The following DOCK1 variants were observed in gnomAD, a reference collection of about 807,000 sequenced individuals.
DOCK1 encodes the protein dedicator of cytokinesis 1, also known as dedicator of cytokinesis protein 1.
DOCK1 carries 138 observed loss-of-function variants against 262.7 expected under a neutral mutation model. The observed-to-expected ratio is 0.53, with a 90% CI of 0.46 to 0.61. The LOEUF (loss-of-function observed/expected upper bound fraction) is 0.61. Among genes scored for constraint, DOCK1 ranks in the 20% least tolerant of loss-of-function variants. The pLI is 0.00. For missense variants in DOCK1, 1,908 were observed against 2,370.7 expected, an observed-to-expected ratio of 0.80 and a Z score of 4.05; for synonymous variants, 866 against 867.4, an observed-to-expected ratio of 1.00 and a Z score of 0.03.
rs114682524 is a variant in DOCK1, at chr10:127,111,387, A to C, written c.2623+1033A>C. 3.7e-3 allele frequency among the ~76,000 whole-genome samples: 563 copies of C among 152,284 alleles called. 2 individuals are homozygous for C. The highest frequency in any genetic ancestry group is 0.013 in the African/African-American group (533 of 41,560). On this transcript the variant is annotated intron_variant, in intron 25 of 51. Transcript: ENST00000623213. Reference sequence around the variant, plus strand: ...GTGGGTGACTTTCTGCAGCCCCTCCATGTAGACCTCTCTCTTTAGTCAGAA... The same window carrying C: ...GTGGGTGACTTTCTGCAGCCCCTCCCTGTAGACCTCTCTCTTTAGTCAGAA...
intron 4 of DOCK1, among the ~76,000 whole-genome samples, chr10:126,984,561 G>T (rs1352381802): frequency 6.6e-6 from 1 of 151,422 alleles, no homozygotes; most frequent in Non-Finnish European, 1.5e-5. Flanking sequence ...TAGAGATGGG[G>T]TTTCACCATG....
chr10:127,137,754 C>G, intron 27 of DOCK1: 2 of 1,339,990 alleles, frequency 1.5e-6, no homozygotes, highest in Non-Finnish European at 2.0e-6. Flanking sequence ...ACAGTTCCCT[C>G]GATCCTATTC....
At chr10:127,411,278 G>T (rs958237999) in intron 43 of DOCK1, among the ~76,000 whole-genome samples, 1 of 152,076 alleles carries the variant, frequency 6.6e-6, no homozygotes, top group East Asian at 1.9e-4. Flanking sequence ...GAGGTGCGGG[G>T]TGCTGACGTG....
At chr10:127,395,835 C>T (rs1487544145) in intron 38 of DOCK1, among the ~76,000 whole-genome samples, 1 of 152,190 alleles carries the variant, frequency 6.6e-6, no homozygotes, top group Non-Finnish European at 1.5e-5. Context: ...AAGCAAGTGC[C>T]AGGGGTGGCT....
rs762273476 is a variant in DOCK1 at position 127,347,832 on chromosome 10, GCCTTCCCTTC to G, written c.3224+4129_3224+4138del. Among the ~76,000 whole-genome samples, 71 of 57,548 alleles carry G rather than the reference GCCTTCCCTTC, an allele frequency of 1.2e-3. 8 individuals are homozygous for G. The highest frequency in any genetic ancestry group is 3.7e-3 in the East Asian group (11 of 2,936). 37.8% of individuals were successfully genotyped at this position (57,548 alleles called of 152,430 possible). A position where few individuals can be genotyped will look rare whatever the true frequency, so the allele number is the denominator to read the frequency against. ...CTGAGGGAGCATCCCCAACCCCTCA[GCCTTCCCTTC>G]CCTTCCCTTCCCTTCCCTTCCCTTC... On this transcript the variant is annotated intron_variant, in intron 31 of 51. Transcript: ENST00000623213.
chr10:127,271,128 T>G (rs1414639134), intron 29 of DOCK1, among the ~76,000 whole-genome samples: 1 of 152,072 alleles, frequency 6.6e-6, no homozygotes, highest in Admixed American at 6.6e-5. Flanking sequence ...CTGCAGGATT[T>G]TTTTTTTGTC....
At chr10:126,963,647 CT>C (rs1591466142) in intron 1 of DOCK1, among the ~76,000 whole-genome samples, 22 of 111,942 alleles carry the variant, frequency 2.0e-4, no homozygotes, top group Admixed American at 5.4e-4. Flanking sequence ...TCCCTCCTTC[CT>C]TCCTTCCTTC....
At chr10:127,344,870 C>CA (rs1011994140) in intron 31 of DOCK1, among the ~76,000 whole-genome samples, 24 of 150,874 alleles carry the variant, frequency 1.6e-4, no homozygotes, top group African/African-American at 5.1e-4. Flanking sequence ...GACCCCCTTT[C>CA]AAAAAAAAAG....
At chr10:127,384,242 C>T (rs1054145632) in intron 37 of DOCK1, among the ~76,000 whole-genome samples, 2 of 152,204 alleles carry the variant, frequency 1.3e-5, no homozygotes, top group Non-Finnish European at 2.9e-5. Context: ...TCAGCTCACA[C>T]GCCGACTGCA....
chr10:126,910,671 T>C (rs2134009756), intron 1 of DOCK1, among the ~76,000 whole-genome samples: 1 of 152,360 alleles, frequency 6.6e-6, no homozygotes, highest in South Asian at 2.1e-4. Flanking sequence ...GACTGGGATA[T>C]TGACATCGAT....
intron 23 of DOCK1, 50 bp downstream of exon 23, chr10:127,061,826 A>C: frequency 6.9e-7 from 1 of 1,443,958 alleles, no homozygotes; most frequent in Non-Finnish European, 9.4e-7. Context: ...TTTTTCTTTC[A>C]TTATCTCTTT....
At chr10:127,372,024 G>A (rs1469939027) in intron 33 of DOCK1, among the ~76,000 whole-genome samples, 5 of 152,108 alleles carry the variant, frequency 3.3e-5, no homozygotes, top group African/African-American at 1.2e-4. Flanking sequence ...GAACTTCTTA[G>A]GCCAGACAGA....
chr10:127,261,190 C>CGG lies in DOCK1; in HGVS notation c.3044+3763_3044+3764dup, dbSNP rs1554933968. Reference sequence around the variant, plus strand: ...GTGTGTCCCTGCATGTGTGTGCATGCGGGTGTGTGTGTGTACCTGCATGTG... The same window carrying CGG: ...GTGTGTCCCTGCATGTGTGTGCATGCGGGGGTGTGTGTGTGTACCTGCATGTG... On this transcript the variant is annotated intron_variant, in intron 29 of 51. Coordinates refer to ENST00000623213, the MANE Select transcript of DOCK1 (RefSeq NM_001290223.2). Among the ~76,000 whole-genome samples, 273 of 58,972 alleles carry CGG rather than the reference C, an allele frequency of 4.6e-3. 8 individuals carry two copies. Among genetic ancestry groups the CGG allele is most frequent in the African/African-American group, 0.019 (245 of 13,148 alleles). The allele number at this position is 58,972 out of a possible 152,430, so 38.7% of individuals were successfully genotyped here.
At chr10:127,369,026 C>T (rs2065071586) in intron 33 of DOCK1, among the ~76,000 whole-genome samples, 1 of 152,156 alleles carries the variant, frequency 6.6e-6, no homozygotes, top group Non-Finnish European at 1.5e-5. Flanking sequence ...GCACAACTTC[C>T]AGAAATTCCC....
intron 13 of DOCK1, among the ~76,000 whole-genome samples, chr10:127,020,979 A>C (rs555423120): frequency 2.0e-5 from 3 of 152,250 alleles, no homozygotes; most frequent in East Asian, 3.9e-4. Flanking sequence ...AGGCGATGCC[A>C]AGTTTTCCTT....
chr10:127,134,058 G>A (rs1032996361), intron 27 of DOCK1, among the ~76,000 whole-genome samples: 19 of 152,306 alleles, frequency 1.2e-4, no homozygotes, highest in African/African-American at 4.1e-4. Context: ...GAGTCCACCA[G>A]TGACAGGTTT....
At chr10:127,154,502 GAAAAT>G (rs1433154100) in intron 27 of DOCK1, among the ~76,000 whole-genome samples, 1 of 152,192 alleles carries the variant, frequency 6.6e-6, no homozygotes, top group Non-Finnish European at 1.5e-5. Flanking sequence ...TTTTACTTTT[GAAAAT>G]AAAATGGTGA....
At chr10:127,442,131 G>T (rs781580835) in intron 49 of DOCK1, among the ~76,000 whole-genome samples, 8 of 152,198 alleles carry the variant, frequency 5.3e-5, no homozygotes, top group Non-Finnish European at 1.2e-4. Context: ...GCACAGGACA[G>T]TTCTGGAAAT....
intron 44 of DOCK1, among the ~76,000 whole-genome samples, chr10:127,417,133 C>T (rs999805260): frequency 3.3e-5 from 5 of 152,216 alleles, no homozygotes; most frequent in African/African-American, 9.6e-5. Context: ...GGAAGAAAGC[C>T]GGACATGAAG....
Sources: allele counts gnomAD v4.1 joint callset (sites outside exome capture counted in the v4.1 genomes callset), GRCh38; gene constraint gnomAD v4.1.1; transcripts MANE v1.5; gene names NCBI Gene and HGNC (gene_info 2026-07-23, HGNC 2026-07-21).